Variants in POLN observed in about 807,000 individuals in gnomAD.
The protein encoded by POLN is DNA polymerase nu.
A neutral mutation model predicts 113.5 loss-of-function variants in POLN; 108 were observed. That is an observed-to-expected ratio of 0.95 (90% CI 0.81 to 1.12). The LOEUF (loss-of-function observed/expected upper bound fraction) is 1.12. Among genes scored for constraint, POLN ranks in the 50% most tolerant of loss-of-function variants. The probability of loss-of-function intolerance (pLI) is 0.00; values close to 1 mark genes in which losing one functional copy is unlikely to be tolerated. For missense variants in POLN, 1,097 were observed against 1,077.1 expected (o/e 1.02, Z -0.26); for synonymous variants, 386 against 391.5 (o/e 0.99, Z 0.17).
intron 13 of POLN, among the ~76,000 whole-genome samples, chr4:2,164,501 C>CA (rs35463696): frequency 0.023 from 1,865 of 81,750 alleles, 40 homozygotes; most frequent in East Asian, 0.11. Flanking sequence ...AACTCTGTCT[C>CA]AAAAAAAAAA....
At chr4:2,139,078 T>C (rs981654966) in intron 16 of POLN, among the ~76,000 whole-genome samples, 1 of 152,016 alleles carries the variant, frequency 6.6e-6, no homozygotes, top group East Asian at 1.9e-4. Context: ...ATGAGCACCC[T>C]TGACCACAAC....
chr4:2,130,306 G>C (rs927584390), intron 17 of POLN, among the ~76,000 whole-genome samples: 2 of 145,300 alleles, frequency 1.4e-5, no homozygotes, highest in African/African-American at 2.5e-5. Flanking sequence ...GGAGGGGAGG[G>C]GAGGGGAGGG....
At chr4:2,132,556 G>GA (rs1443396116) in intron 16 of POLN, among the ~76,000 whole-genome samples, 15 of 152,158 alleles carry the variant, frequency 9.9e-5, no homozygotes, top group African/African-American at 3.6e-4. Context: ...TCAAACTGCT[G>GA]AAAAAACTGT....
At chr4:2,147,644 T>TTTTC (rs1491290142) in intron 16 of POLN, among the ~76,000 whole-genome samples, 1 of 58,794 alleles carries the variant, frequency 1.7e-5, no homozygotes, top group African/African-American at 6.7e-5. Flanking sequence ...TTTTCTTTTC[T>TTTTC]TTTTTTTTTT....
At chr4:2,137,087 C>G (rs1731876306) in intron 16 of POLN, among the ~76,000 whole-genome samples, 1 of 152,238 alleles carries the variant, frequency 6.6e-6, no homozygotes, top group South Asian at 2.1e-4. Context: ...GTCCCCAGCA[C>G]CTACTACACA....
At chr4:2,221,459 T>C (rs751902821) in intron 3 of POLN, among the ~76,000 whole-genome samples, 3 of 152,218 alleles carry the variant, frequency 2.0e-5, no homozygotes, top group Non-Finnish European at 4.4e-5. Flanking sequence ...CTGAGACAAA[T>C]GGGGATCTGA....
chr4:2,165,730 A>C (rs1339788629), intron 13 of POLN, among the ~76,000 whole-genome samples: 2 of 151,710 alleles, frequency 1.3e-5, no homozygotes, highest in Non-Finnish European at 2.9e-5. Flanking sequence ...GAGTATGGGA[A>C]CTCTCTGTAC....
At chr4:2,195,427 G>A (rs900270497) in intron 6 of POLN, among the ~76,000 whole-genome samples, 14 of 151,862 alleles carry the variant, frequency 9.2e-5, no homozygotes, top group Admixed American at 8.5e-4. Flanking sequence ...TCTCATACAG[G>A]GTGGTCAAGG....
At chr4:2,147,650 T>A (rs939112546) in intron 16 of POLN, among the ~76,000 whole-genome samples, 3 of 144,052 alleles carry the variant, frequency 2.1e-5, no homozygotes, top group African/African-American at 7.7e-5. Flanking sequence ...TTTCTTTTTT[T>A]TTTTTTTTTG....
chr4:2,148,378 A>AT, intron 16 of POLN, among the ~76,000 whole-genome samples: 1 of 152,276 alleles, frequency 6.6e-6, no homozygotes, highest in South Asian at 2.1e-4. Context: ...CATAAAAAGT[A>AT]TGTGAATAGG....
chr4:2,136,608 A>G (rs1039234128), intron 16 of POLN, among the ~76,000 whole-genome samples: 8 of 152,338 alleles, frequency 5.3e-5, no homozygotes, highest in Middle Eastern at 3.4e-3. Flanking sequence ...TAATTCTACA[A>G]TGTGGCATTT....
intron 19 of POLN, among the ~76,000 whole-genome samples, chr4:2,120,442 T>C (rs1325989976): frequency 1.3e-5 from 2 of 152,174 alleles, no homozygotes; most frequent in Non-Finnish European, 2.9e-5. Flanking sequence ...TTTAGGCATA[T>C]AGATCTTATA....
chr4:2,174,615 TG>T, intron 10 of POLN, 75 bp downstream of exon 10: 1 of 1,210,248 alleles, frequency 8.3e-7, no homozygotes, highest in Non-Finnish European at 1.2e-6. Flanking sequence ...AAGTAAGGTA[TG>T]GAGAAATGTT....
chr4:2,171,834 T>C lies in POLN; in HGVS notation c.1375-653A>G, dbSNP rs576618118. 7.9e-5 allele frequency among the ~76,000 whole-genome samples: 12 copies of C among 152,140 alleles called. No individual in the cohort carries two copies. The East Asian group carries it at 1.7e-3, about 22-fold the overall frequency. Reference sequence around the variant, plus strand: ...CCTCATGGTGAAATACCTAGGCTCATAGAAGCATCCTCCCCCAAAGGTAAG... The same window carrying C: ...CCTCATGGTGAAATACCTAGGCTCACAGAAGCATCCTCCCCCAAAGGTAAG... On this transcript the variant is annotated intron_variant, in intron 11 of 25. Coordinates refer to ENST00000511885, the MANE Select transcript of POLN (RefSeq NM_181808.4).
intron 19 of POLN, among the ~76,000 whole-genome samples, chr4:2,109,978 A>C (rs1731153060): frequency 6.6e-6 from 1 of 152,118 alleles, no homozygotes; most frequent in African/African-American, 2.4e-5. Context: ...TTGCCTTAGA[A>C]ATTATAATAT....
chr4:2,213,358 C>T (rs561527856), intron 3 of POLN, among the ~76,000 whole-genome samples: 1 of 152,208 alleles, frequency 6.6e-6, no homozygotes, highest in African/African-American at 2.4e-5. Context: ...AATCATAAAA[C>T]ATTTATTAAA....
rs762652541 is a variant in POLN, at chr4:2,071,962, G to C, written c.*152C>G. ...GAATTCACTCAGACAAGGATGAGGA[G>C]GGCTTTGCACAGGCATTTACTCCAG... On this transcript the variant is annotated 3_prime_UTR_variant, in exon 26 of 26. Coordinates refer to ENST00000511885, the MANE Select transcript of POLN (RefSeq NM_181808.4). The surrounding 1 kb of genome is among the most constrained non-coding windows in gnomAD (Gnocchi z 5.2). 2 of 859,640 alleles carry C rather than the reference G, an allele frequency of 2.3e-6. No homozygotes were observed. Among genetic ancestry groups the C allele is most frequent in the South Asian group, 2.7e-5 (2 of 72,738 alleles). 53.3% of individuals were successfully genotyped at this position (859,640 alleles called of 1,614,324 possible). A position where few individuals can be genotyped will look rare whatever the true frequency, so the allele number is the denominator to read the frequency against.
At chr4:2,218,286 A>T (rs1734161851) in intron 3 of POLN, among the ~76,000 whole-genome samples, 1 of 151,510 alleles carries the variant, frequency 6.6e-6, no homozygotes, top group Non-Finnish European at 1.5e-5. Context: ...ACAAAAAAAA[A>T]AAAAAAAAAT....
intron 21 of POLN, among the ~76,000 whole-genome samples, chr4:2,085,319 G>A (rs763973056): frequency 6.6e-6 from 1 of 152,196 alleles, no homozygotes; most frequent in Admixed American, 6.5e-5. Flanking sequence ...CTTTTCATAA[G>A]AATCCATGTT....
Sources: allele counts gnomAD v4.1 joint callset (sites outside exome capture counted in the v4.1 genomes callset), GRCh38; gene constraint gnomAD v4.1.1; non-coding constraint Gnocchi (gnomAD v3.1); transcripts MANE v1.5; gene names NCBI Gene and HGNC (gene_info 2026-07-23, HGNC 2026-07-21).